Variants in VTI1A observed in about 807,000 individuals in gnomAD.
The protein encoded by VTI1A is vesicle transport through interaction with t-SNAREs homolog 1A.
Under a neutral mutation model 34.9 loss-of-function variants are expected in VTI1A, and 22 were observed. The ratio of observed to expected loss-of-function variants is 0.63; its 90% confidence interval spans 0.45 to 0.90. VTI1A has a LOEUF of 0.90. VTI1A is among the 40% of genes least tolerant of loss of function. VTI1A has a pLI of 0.00. For synonymous variants in VTI1A, 87 were observed against 97.3 expected (o/e 0.89, Z 0.62); for missense variants, 268 against 275.6 (o/e 0.97, Z 0.20).
chr10:112,627,139 A>G (rs1845951436), intron 5 of VTI1A, among the ~76,000 whole-genome samples: 2 of 152,220 alleles, frequency 1.3e-5, no homozygotes, highest in African/African-American at 2.4e-5. Flanking sequence ...ATAATCTTGG[A>G]TGATTTTTAA....
At chr10:112,490,015 T>C (rs1848766515) in intron 3 of VTI1A, among the ~76,000 whole-genome samples, 2 of 152,316 alleles carry the variant, frequency 1.3e-5, no homozygotes, top group South Asian at 4.1e-4. Context: ...GTCATTACCT[T>C]GTTCTTTTTA....
At chr10:112,507,713 T>G (rs1849478853) in intron 3 of VTI1A, among the ~76,000 whole-genome samples, 1 of 152,176 alleles carries the variant, frequency 6.6e-6, no homozygotes. Flanking sequence ...TCTTTTACCA[T>G]GCTCTGAGCA....
At chr10:112,830,822 C>CAT in the VTI1A span, among the ~76,000 whole-genome samples, 395 of 54,722 alleles carry the variant, frequency 7.2e-3, 33 homozygotes, top group Non-Finnish European at 8.6e-3. Flanking sequence ...CTAAAACCCT[C>CAT]ATATATATAT....
intron 5 of VTI1A, chr10:112,634,256 C>G (rs1386051147): frequency 6.5e-6 from 1 of 154,092 alleles, no homozygotes; most frequent in Non-Finnish European, 1.5e-5. Context: ...CTACAGAGAC[C>G]CTCTGGGTGA....
At chr10:112,572,016 AATT>A (rs879570983) in intron 5 of VTI1A, among the ~76,000 whole-genome samples, 1 of 151,822 alleles carries the variant, frequency 6.6e-6, no homozygotes, top group Non-Finnish European at 1.5e-5. Flanking sequence ...AAGGCTGAAA[AATT>A]ATTGTTGGGT....
chr10:112,755,335 C>T (rs939086446), intron 7 of VTI1A, among the ~76,000 whole-genome samples: 4 of 152,264 alleles, frequency 2.6e-5, no homozygotes, highest in Admixed American at 1.3e-4. Flanking sequence ...GAAAGATGCC[C>T]GCTTGGGAAA....
chr10:112,684,330 T>C (rs1331792922), intron 7 of VTI1A, among the ~76,000 whole-genome samples: 3 of 152,170 alleles, frequency 2.0e-5, no homozygotes. Context: ...CTGTTAAACA[T>C]ACAGGTTTTT....
chr10:112,561,207 A>G (rs181004884), intron 5 of VTI1A, among the ~76,000 whole-genome samples: 251 of 152,320 alleles, frequency 1.6e-3, no homozygotes, highest in Non-Finnish European at 3.2e-3. Context: ...TAAAGATTTT[A>G]AGCCAATAAT....
At chr10:112,612,199 T>C (rs888562919) in intron 5 of VTI1A, among the ~76,000 whole-genome samples, 5 of 152,180 alleles carry the variant, frequency 3.3e-5, no homozygotes, top group Non-Finnish European at 7.3e-5. Context: ...TTTTCTATTA[T>C]CAATCGGGTA....
intron 5 of VTI1A, among the ~76,000 whole-genome samples, chr10:112,657,261 G>A (rs771195686): frequency 3.3e-5 from 5 of 152,224 alleles, no homozygotes; most frequent in Admixed American, 2.0e-4. Context: ...TTCTCTTCCT[G>A]TATCCATTGT....
chr10:112,489,309 C>T (rs1481797509), intron 3 of VTI1A, among the ~76,000 whole-genome samples: 1 of 152,190 alleles, frequency 6.6e-6, no homozygotes, highest in Non-Finnish European at 1.5e-5. Context: ...AAGGTACTCC[C>T]TGAATCTCTG....
chr10:112,844,558 C>T, the VTI1A span, among the ~76,000 whole-genome samples: 3 of 152,200 alleles, frequency 2.0e-5, no homozygotes, highest in Non-Finnish European at 4.4e-5. Context: ...ACCACCACGC[C>T]CGGCTAATTT....
chr10:112,715,048 A>G (rs1036436455), intron 7 of VTI1A, among the ~76,000 whole-genome samples: 6 of 152,226 alleles, frequency 3.9e-5, no homozygotes, highest in African/African-American at 1.2e-4. Flanking sequence ...CTTTGAAATC[A>G]GGGTTAAACC....
rs569759345 is a variant in VTI1A, at chr10:112,528,182, A to G, written c.342+1018A>G. 2.0e-5 allele frequency among the ~76,000 whole-genome samples: 3 copies of G among 152,286 alleles called. No homozygotes were observed. In the South Asian group the frequency reaches 6.2e-4, roughly 32 times the overall value. On this transcript the variant is annotated intron_variant, in intron 4 of 7. Coordinates refer to ENST00000393077, the MANE Select transcript of VTI1A (RefSeq NM_145206.4). ...AATTTTAATAGGATAGTGAAACCTA[A>G]TATATTGATACATATTATAAAAATT...
intron 7 of VTI1A, among the ~76,000 whole-genome samples, chr10:112,791,777 G>A (rs1852488045): frequency 6.6e-6 from 1 of 151,174 alleles, no homozygotes; most frequent in South Asian, 2.1e-4. Context: ...TCACTGTTCT[G>A]AGTCTGTTCT....
intron 5 of VTI1A, among the ~76,000 whole-genome samples, chr10:112,656,152 C>T (rs1377137357): frequency 1.3e-5 from 2 of 152,116 alleles, no homozygotes; most frequent in Admixed American, 1.3e-4. Context: ...ATCCCCTGTG[C>T]CAACCCGAGT....
chr10:112,648,174 T>C (rs572434873), intron 5 of VTI1A, among the ~76,000 whole-genome samples: 77 of 152,340 alleles, frequency 5.1e-4, no homozygotes, highest in African/African-American at 1.8e-3. Context: ...CTAAAAAGAT[T>C]TTTCTCCTCT....
chr10:112,517,902 G>A (rs976671123), intron 3 of VTI1A, among the ~76,000 whole-genome samples: 3 of 151,876 alleles, frequency 2.0e-5, no homozygotes, highest in African/African-American at 7.3e-5. Context: ...CAAAATGAAC[G>A]TTAGGTAAAA....
At chr10:112,540,445 G>C (rs1330572249) in intron 5 of VTI1A, among the ~76,000 whole-genome samples, 1 of 152,200 alleles carries the variant, frequency 6.6e-6, no homozygotes, top group African/African-American at 2.4e-5. Context: ...ACTTCTTGCA[G>C]AATACAAGAC....
Sources: allele counts gnomAD v4.1 joint callset (sites outside exome capture counted in the v4.1 genomes callset), GRCh38; gene constraint gnomAD v4.1.1; transcripts MANE v1.5; gene names NCBI Gene and HGNC (gene_info 2026-07-23, HGNC 2026-07-21).